DPP10: variants seen among roughly 807,000 people sequenced by gnomAD.
The protein encoded by DPP10 is dipeptidyl peptidase like 10.
DPP10 carries 33 observed loss-of-function variants against 120.9 expected under a neutral mutation model. The observed-to-expected ratio is 0.27, with a 90% CI of 0.21 to 0.37. The LOEUF (loss-of-function observed/expected upper bound fraction) is 0.37. DPP10 is among the 10% of genes least tolerant of loss of function. DPP10 has a pLI of 1.00. For missense variants in DPP10, 816 were observed against 942.8 expected, an observed-to-expected ratio of 0.87 and a Z score of 1.76; for synonymous variants, 337 against 326.1, an observed-to-expected ratio of 1.03 and a Z score of -0.36.
At chr2:115,534,635 A>G (rs997645350) in intron 5 of DPP10, among the ~76,000 whole-genome samples, 1 of 151,978 alleles carries the variant, frequency 6.6e-6, no homozygotes, top group Non-Finnish European at 1.5e-5. Flanking sequence ...CAGTAATGGG[A>G]TGGCTGGATC....
intron 1 of DPP10, among the ~76,000 whole-genome samples, chr2:114,698,646 C>T (rs956688839): frequency 6.6e-6 from 1 of 151,954 alleles, no homozygotes; most frequent in Non-Finnish European, 1.5e-5. Flanking sequence ...GTCAGGAGAA[C>T]AAGGCTCAAT....
Position 115,293,342 on chromosome 2 carries a change from A to G in DPP10, c.61-15897A>G, listed in dbSNP as rs182013593. On this transcript the variant is annotated intron_variant, in intron 1 of 25. Coordinates refer to ENST00000410059, the MANE Select transcript of DPP10 (RefSeq NM_020868.6). ...GTATGAACCGAATGTTTCCTTATCC[A>G]TTCATTTCTTCATAGAGACTCACAT... Among the ~76,000 whole-genome samples the G allele has an allele frequency of 4.5e-4, 68 of 152,232 alleles. 1 individual carries two copies. Among genetic ancestry groups the G allele is most frequent in the African/African-American group, 1.6e-3 (67 of 41,568 alleles).
chr2:115,244,787 A>ATG (rs2058455899), intron 1 of DPP10, among the ~76,000 whole-genome samples: 1 of 150,720 alleles, frequency 6.6e-6, no homozygotes, highest in South Asian at 2.1e-4. Context: ...TGCTATATAT[A>ATG]TATGTGTGTG....
At chr2:115,152,922 A>G (rs1435397574) in intron 1 of DPP10, among the ~76,000 whole-genome samples, 2 of 152,200 alleles carry the variant, frequency 1.3e-5, no homozygotes, top group Non-Finnish European at 2.9e-5. Flanking sequence ...TTGATTACTC[A>G]TAGTATAATG....
intron 20 of DPP10, among the ~76,000 whole-genome samples, chr2:115,815,424 G>A (rs1687119325): frequency 6.6e-6 from 1 of 152,150 alleles, no homozygotes; most frequent in African/African-American, 2.4e-5. Context: ...TGTAGATGTT[G>A]ATTCAGTAGG....
chr2:115,603,847 C>T (rs1205709624), intron 5 of DPP10, among the ~76,000 whole-genome samples: 1 of 152,066 alleles, frequency 6.6e-6, no homozygotes, highest in Admixed American at 6.5e-5. Context: ...TCAGAAGGCA[C>T]TTATTATGTA....
At chr2:115,677,309 A>C (rs2090341893) in intron 5 of DPP10, among the ~76,000 whole-genome samples, 1 of 152,222 alleles carries the variant, frequency 6.6e-6, no homozygotes, top group South Asian at 2.1e-4. Context: ...AAGTTAAATC[A>C]ATATAGAAAA....
intron 5 of DPP10, among the ~76,000 whole-genome samples, chr2:115,597,838 A>G (rs1214562953): frequency 6.6e-6 from 1 of 152,038 alleles, no homozygotes; most frequent in African/African-American, 2.4e-5. Flanking sequence ...CCTTCATCAG[A>G]CCAACTCTTC....
At chr2:115,454,858 TAAAC>T (rs1467332632) in intron 3 of DPP10, among the ~76,000 whole-genome samples, 2 of 151,642 alleles carry the variant, frequency 1.3e-5, no homozygotes, top group South Asian at 2.1e-4. Context: ...CTTGAACTAA[TAAAC>T]AAATTTACCA....
Position 115,768,366 on chromosome 2 carries a change from C to T in DPP10, c.1183C>T (p.Arg395Cys), listed in dbSNP as rs903492362. Reference sequence around the variant, plus strand: ...GACAGTGCCTGTTAAGCAAGGGGGACGTGGAGAATTTCACCACGTAGCTAT... The same window carrying T: ...GACAGTGCCTGTTAAGCAAGGGGGATGTGGAGAATTTCACCACGTAGCTAT... ...FMTVPVKQGG[R>C]GEFHHVAMFL... The change falls in exon 13 of 26, where the codon CGT becomes TGT. Residue 395 changes from arginine (R) to cysteine (C), a missense_variant. Coordinates refer to ENST00000410059, the MANE Select transcript of DPP10 (RefSeq NM_020868.6). The T allele has an allele frequency of 1.9e-5, 31 of 1,613,348 alleles. No homozygotes were observed. Among genetic ancestry groups the T allele is most frequent in the Non-Finnish European group, 2.5e-5 (30 of 1,179,608 alleles).
chr2:115,766,689 T>C (rs1575720684), intron 12 of DPP10, among the ~76,000 whole-genome samples: 1 of 152,192 alleles, frequency 6.6e-6, no homozygotes, highest in South Asian at 2.1e-4. Flanking sequence ...CTGCAGGCTG[T>C]ACAGAAGCAT....
At chr2:114,802,570 G>A (rs1227929608) in intron 1 of DPP10, among the ~76,000 whole-genome samples, 5 of 152,230 alleles carry the variant, frequency 3.3e-5, no homozygotes, top group South Asian at 4.1e-4. Context: ...GTTGGTTTTC[G>A]GGGCTGTTGA....
intron 8 of DPP10, among the ~76,000 whole-genome samples, chr2:115,728,487 T>C (rs1186432178): frequency 6.6e-6 from 1 of 152,134 alleles, no homozygotes; most frequent in Non-Finnish European, 1.5e-5. Context: ...ATTTATCCAG[T>C]TTTTATCACG....
intron 1 of DPP10, among the ~76,000 whole-genome samples, chr2:114,887,450 A>G (rs1266985594): frequency 2.0e-5 from 3 of 152,234 alleles, no homozygotes; most frequent in Admixed American, 6.5e-5. Context: ...TAGTTTTACA[A>G]CTATTCAGTT....
Position 114,875,756 on chromosome 2 carries a change from T to C in DPP10, c.60+432918T>C, listed in dbSNP as rs148575911. Among the ~76,000 whole-genome samples the C allele has an allele frequency of 8.9e-3, 1,357 of 152,278 alleles. 10 individuals are homozygous for C. Among genetic ancestry groups the C allele is most frequent in the Middle Eastern group, 0.014 (4 of 294 alleles). On this transcript the variant is annotated intron_variant, in intron 1 of 25. Transcript: ENST00000410059. ...AATCCTTGGCATAAACATACTTCTA[T>C]GTCACATGCTATTTTATTGTTGCTA... is the stretch of plus-strand genomic sequence containing the variant.
intron 1 of DPP10, among the ~76,000 whole-genome samples, chr2:114,831,723 T>A (rs1035477976): frequency 1.1e-4 from 16 of 152,076 alleles, no homozygotes; most frequent in African/African-American, 3.6e-4. Context: ...GAGATTAAGT[T>A]GCAGAGTACA....
intron 1 of DPP10, among the ~76,000 whole-genome samples, chr2:114,879,922 T>A (rs907359985): frequency 6.6e-6 from 1 of 152,138 alleles, no homozygotes; most frequent in Non-Finnish European, 1.5e-5. Context: ...TTTAGAGAAT[T>A]TAGCACTAAT....
intron 3 of DPP10, among the ~76,000 whole-genome samples, chr2:115,457,173 T>C (rs1162094199): frequency 1.3e-5 from 2 of 151,434 alleles, no homozygotes; most frequent in East Asian, 2.0e-4. Flanking sequence ...AAGGAAAGAA[T>C]AGTATTTTCA....
chr2:114,993,580 G>GTATATATATATA (rs59593945), intron 1 of DPP10, among the ~76,000 whole-genome samples: 4,073 of 96,976 alleles, frequency 0.042, 186 homozygotes, highest in East Asian at 0.15. Context: ...GTGTGTGTGT[G>GTATATATATATA]TATATATATA....
Sources: gnomAD v4.1 joint callset for allele counts (sites outside exome capture counted in the v4.1 genomes callset) on GRCh38, gnomAD v4.1.1 for gene constraint, MANE v1.5 for transcripts, NCBI Gene and HGNC (gene_info 2026-07-23, HGNC 2026-07-21) for gene names.